VWC2: variants seen among roughly 807,000 people sequenced by gnomAD.
VWC2 encodes the protein von Willebrand factor C domain containing 2.
A neutral mutation model predicts 29.8 loss-of-function variants in VWC2; 14 were observed. That is an observed-to-expected ratio of 0.47 (90% CI 0.31 to 0.74). VWC2 has a LOEUF of 0.74. Among genes scored for constraint, VWC2 ranks in the 30% least tolerant of loss-of-function variants. VWC2 has a pLI of 0.05. For missense variants in VWC2, 457 were observed against 459.8 expected (o/e 0.99, Z 0.05); for synonymous variants, 213 against 199.0 (o/e 1.07, Z -0.59).
At chr7:49,893,242 C>T (rs1333374773) in intron 3 of VWC2, among the ~76,000 whole-genome samples, 1 of 152,032 alleles carries the variant, frequency 6.6e-6, no homozygotes, top group Admixed American at 6.5e-5. Context: ...AGGAGTTATG[C>T]ACTAGGTTCC....
intron 3 of VWC2, among the ~76,000 whole-genome samples, chr7:49,849,630 T>C (rs1790094628): frequency 6.6e-6 from 1 of 152,256 alleles, no homozygotes; most frequent in Admixed American, 6.5e-5. Context: ...TGTGAGAACA[T>C]GCACCATTAG....
intron 3 of VWC2, among the ~76,000 whole-genome samples, chr7:49,847,711 G>T (rs1434501113): frequency 6.6e-6 from 1 of 152,186 alleles, no homozygotes; most frequent in Non-Finnish European, 1.5e-5. Context: ...GGAAGAAGGG[G>T]TGAGGCGGGC....
In VWC2 at chr7:49,912,016, C is replaced by T; in HGVS notation, c.827-18C>T. The T allele has an allele frequency of 1.2e-6, 2 of 1,606,546 alleles. No individual in the cohort carries two copies. Among genetic ancestry groups the T allele is most frequent in the Non-Finnish European group, 1.7e-6 (2 of 1,176,512 alleles). On this transcript the variant is annotated intron_variant, in intron 3 of 3. Coordinates refer to ENST00000340652, the MANE Select transcript of VWC2 (RefSeq NM_198570.5). ...ATTTATGCACACATATAGTATAAAA[C>T]ATTTTTCTGCATTTCAGGTCCAAAC...
Position 49,877,481 on chromosome 7 carries a change from A to AAAAATATAC in VWC2, c.827-34552_827-34551insAAATATACA. On this transcript the variant is annotated intron_variant, in intron 3 of 3. Transcript: ENST00000340652. ...CTGTCTCAAAAAAAAAAAAAAAAAAAATATATATATATATATATATATATA... is the reference window on the plus strand; with the variant it reads ...CTGTCTCAAAAAAAAAAAAAAAAAAAAAAATATACATATATATATATATATATATATATA... 1.3e-3 allele frequency among the ~76,000 whole-genome samples: 17 copies of AAAAATATAC among 12,724 alleles called. 6 individuals are homozygous for AAAAATATAC. Among genetic ancestry groups the AAAAATATAC allele is most frequent in the Non-Finnish European group, 2.0e-3 (14 of 6,944 alleles). 8.3% of individuals were successfully genotyped at this position (12,724 alleles called of 152,430 possible). A position where few individuals can be genotyped will look rare whatever the true frequency, so the allele number is the denominator to read the frequency against.
At chr7:49,880,086 T>A (rs1242896857) in intron 3 of VWC2, among the ~76,000 whole-genome samples, 1 of 152,216 alleles carries the variant, frequency 6.6e-6, no homozygotes, top group Non-Finnish European at 1.5e-5. Flanking sequence ...TGATTTGGAA[T>A]AATAACTCCC....
At position 49,877,495 on chromosome 7, in the gene VWC2, T is replaced by A. The variant is rs865952869; in HGVS notation, c.827-34539T>A. ...AAAAAAAAAAAAATATATATATATA[T>A]ATATATATATATATATATATATAGT... is the stretch of plus-strand genomic sequence containing the variant. On this transcript the variant is annotated intron_variant, in intron 3 of 3. Coordinates refer to ENST00000340652, the MANE Select transcript of VWC2 (RefSeq NM_198570.5). Among the ~76,000 whole-genome samples the A allele has an allele frequency of 6.5e-3, 468 of 71,844 alleles. 74 individuals carry two copies. Among genetic ancestry groups the A allele is most frequent in the African/African-American group, 0.021 (366 of 17,640 alleles). The allele number at this position is 71,844 out of a possible 152,430, so 47.1% of individuals were successfully genotyped here. A position where few individuals can be genotyped will look rare whatever the true frequency, so the allele number is the denominator to read the frequency against.
chr7:49,887,770 G>A (rs1372945317), intron 3 of VWC2, among the ~76,000 whole-genome samples: 1 of 152,100 alleles, frequency 6.6e-6, no homozygotes, highest in African/African-American at 2.4e-5. Flanking sequence ...CCAACCCATG[G>A]CACTTCCACT....
rs1338334684 is a variant in VWC2, at chr7:49,912,205, C to G, written c.*20C>G. 3 of 1,612,640 alleles carry G rather than the reference C, an allele frequency of 1.9e-6. No individual in the cohort carries two copies. ...ATGTAGACGCTTCCCAGAACACAAA[C>G]TCTGACTTTTTCTAGAACATTTTAC... On this transcript the variant is annotated 3_prime_UTR_variant, in exon 4 of 4. Coordinates refer to ENST00000340652, the MANE Select transcript of VWC2 (RefSeq NM_198570.5).
At chr7:49,897,734 T>C (rs1181929093) in intron 3 of VWC2, among the ~76,000 whole-genome samples, 4 of 152,154 alleles carry the variant, frequency 2.6e-5, no homozygotes, top group African/African-American at 9.7e-5. Flanking sequence ...AAATGTAAAC[T>C]GTAATTGAGG....
chr7:49,887,578 TGATA>T (rs1791955744), intron 3 of VWC2, among the ~76,000 whole-genome samples: 8 of 152,332 alleles, frequency 5.3e-5, no homozygotes, highest in Admixed American at 4.6e-4. Flanking sequence ...TGTGTCTGTA[TGATA>T]ATCAGATGTC....
At chr7:49,785,492 G>A in intron 2 of VWC2, among the ~76,000 whole-genome samples, 1 of 152,094 alleles carries the variant, frequency 6.6e-6, no homozygotes, top group East Asian at 1.9e-4. Flanking sequence ...GCAGTTCCAA[G>A]ACTTTCTAGT....
chr7:49,868,973 T>TCC (rs1791023610), intron 3 of VWC2, among the ~76,000 whole-genome samples: 1 of 152,230 alleles, frequency 6.6e-6, no homozygotes, highest in African/African-American at 2.4e-5. Context: ...GTCAAATATA[T>TCC]GTACAATTTT....
At chr7:49,788,445 CTGTG>C (rs35708736) in intron 2 of VWC2, among the ~76,000 whole-genome samples, 199 of 148,094 alleles carry the variant, frequency 1.3e-3, no homozygotes, top group South Asian at 0.01. Context: ...TTCCCCTGGC[CTGTG>C]TGTGTGTGTG....
At chr7:49,868,592 T>A (rs1791007914) in intron 3 of VWC2, among the ~76,000 whole-genome samples, 1 of 152,212 alleles carries the variant, frequency 6.6e-6, no homozygotes, top group South Asian at 2.1e-4. Flanking sequence ...ATTTGCAACA[T>A]TTAAATGTAA....
rs572892188 is a variant in VWC2 at position 49,777,341 on chromosome 7, G to A, written c.696+1210G>A. 1.2e-4 allele frequency among the ~76,000 whole-genome samples: 19 copies of A among 152,308 alleles called. 1 individual carries two copies. Among genetic ancestry groups the A allele is most frequent in the African/African-American group, 4.6e-4 (19 of 41,562 alleles). ...AAGCCCATGTAATTACTGACTTGTG[G>A]CAATGAATTATCAAGTGTTATATAA... On this transcript the variant is annotated intron_variant, in intron 2 of 3. Transcript: ENST00000340652.
intron 3 of VWC2, among the ~76,000 whole-genome samples, chr7:49,818,506 C>A (rs957593141): frequency 2.6e-5 from 4 of 151,860 alleles, no homozygotes; most frequent in African/African-American, 9.7e-5. Context: ...ATCCTTTATT[C>A]CTTGAAGACC....
At chr7:49,784,285 C>G (rs958364995) in intron 2 of VWC2, among the ~76,000 whole-genome samples, 2 of 152,224 alleles carry the variant, frequency 1.3e-5, no homozygotes, top group African/African-American at 4.8e-5. Context: ...CCCTCCCCAT[C>G]CCTGACACCT....
At chr7:49,895,528 G>T (rs569851237) in intron 3 of VWC2, among the ~76,000 whole-genome samples, 1 of 152,124 alleles carries the variant, frequency 6.6e-6, no homozygotes. Flanking sequence ...GTTAAGCCAG[G>T]TTTATCAGCT....
intron 3 of VWC2, among the ~76,000 whole-genome samples, chr7:49,898,689 A>G (rs1200630148): frequency 1.3e-5 from 2 of 152,148 alleles, no homozygotes; most frequent in Non-Finnish European, 2.9e-5. Context: ...GAATGACAGC[A>G]GTAGGACAAT....
Sources: allele counts gnomAD v4.1 joint callset (sites outside exome capture counted in the v4.1 genomes callset), GRCh38; gene constraint gnomAD v4.1.1; transcripts MANE v1.5; gene names NCBI Gene and HGNC (gene_info 2026-07-23, HGNC 2026-07-21).